Variants in WDR6 observed in about 807,000 individuals in gnomAD.
WDR6 encodes the protein WD repeat domain 6, also known as tRNA (34-2'-O)-methyltransferase regulator WDR6.
A neutral mutation model predicts 85.6 loss-of-function variants in WDR6; 58 were observed. The observed-to-expected ratio is 0.68, with a 90% CI of 0.55 to 0.84. The LOEUF (loss-of-function observed/expected upper bound fraction) is 0.84, where lower values mean the gene tolerates loss of function less well. Ranked by LOEUF, WDR6 falls within the 40% of genes least tolerant of loss-of-function variation. The pLI, the probability that WDR6 is intolerant of heterozygous loss-of-function variation, is 0.00. For missense variants in WDR6, 1,310 were observed against 1,476.4 expected (o/e 0.89, Z 1.85); for synonymous variants, 569 against 582.2 (o/e 0.98, Z 0.33).
Position 49,013,485 on chromosome 3 carries a change from G to A in WDR6, c.1951G>A (p.Val651Ile), listed in dbSNP as rs141268742. The A allele has an allele frequency of 5.5e-4, 888 of 1,614,090 alleles. 7 individuals are homozygous for A. Among genetic ancestry groups the A allele is most frequent in the East Asian group, 8.5e-4 (38 of 44,890 alleles). ...NPRSHEKLHI[V>I]NCGGGHRSWA... is the part of the protein sequence containing the mutation. ...TCGGTCACACGAGAAGCTGCACATC[G>A]TCAACTGTGGTGGAGGGCACCGTTC... Residue 651 changes from valine (V) to isoleucine (I), a missense_variant, in exon 2 of 6, where the codon GTC becomes ATC. By Grantham distance (29) the Val-to-Ile change is conservative (BLOSUM62 3). Coordinates refer to ENST00000608424, the MANE Select transcript of WDR6 (RefSeq NM_018031.6). This position sits in a 1 kb window ranked among gnomAD's most constrained non-coding sequence, Gnocchi z 4.6.
Position 49,015,603 on chromosome 3 carries a change from T to C in WDR6, c.*315T>C, listed in dbSNP as rs201468616. On this transcript the variant is annotated 3_prime_UTR_variant, in exon 6 of 6. Transcript: ENST00000608424. ...CTCTGTGGCCTTAAATGTGGCTCAGTGGAGGGAGACCCAGCATAGCCAGGC... is the reference window on the plus strand; with the variant it reads ...CTCTGTGGCCTTAAATGTGGCTCAGCGGAGGGAGACCCAGCATAGCCAGGC... The C allele has an allele frequency of 6.8e-6, 11 of 1,614,000 alleles. No individual in the cohort carries two copies. The African/African-American group carries it at 1.5e-4, about 22-fold the overall frequency.
Position 49,015,437 on chromosome 3 carries a change from T to G in WDR6, c.*149T>G. ...CTGATGTCGGTGCAGGAGCTGAAGG[T>G]GAGTGGAGTGCTGCCAAGAATATGC... is the stretch of plus-strand genomic sequence containing the variant. On this transcript the variant is annotated 3_prime_UTR_variant, in exon 6 of 6. Transcript: ENST00000608424. The G allele has an allele frequency of 3.6e-6, 5 of 1,404,394 alleles. No homozygotes were observed. Among genetic ancestry groups the G allele is most frequent in the Non-Finnish European group, 4.9e-6 (5 of 1,021,020 alleles). 87.0% of individuals were successfully genotyped at this position (1,404,394 alleles called of 1,614,324 possible). A position where few individuals can be genotyped will look rare whatever the true frequency, so the allele number is the denominator to read the frequency against.
At position 49,012,752 on chromosome 3, in the gene WDR6, A is replaced by G; in HGVS notation, c.1218A>G (p.Gly406=). The G allele has an allele frequency of 6.2e-7, 1 of 1,613,780 alleles. No homozygotes were observed. The highest frequency in any genetic ancestry group is 1.1e-5 in the South Asian group (1 of 91,078). The change falls in exon 2 of 6, where the codon GGA becomes GGG. Residue 406 remains glycine, a synonymous_variant. Transcript: ENST00000608424. This position sits in a 1 kb window ranked among gnomAD's most constrained non-coding sequence, Gnocchi z 4.4. ...CAGCTCCTGGTCCCGAGGGCTTCGG[A>G]TTGTGTGCTATGGCCAATGGGGAAG... is the stretch of plus-strand genomic sequence containing the variant. ...LEAAPGPEGF[G]LCAMANGEGR... is the part of the protein sequence containing the mutation.
Position 49,015,014 on chromosome 3 carries a change from A to C in WDR6, c.3092A>C (p.Gln1031Pro). The change falls in exon 6 of 6, where the codon CAG becomes CCG. Residue 1031 changes from glutamine to proline, a missense_variant. Gln to Pro is a moderately conservative substitution (Grantham distance 76). Coordinates refer to ENST00000608424, the MANE Select transcript of WDR6 (RefSeq NM_018031.6). The stretch of plus-strand genomic sequence containing the variant: ...GTGGGAGAGGCTGGGCTGGTACCCC[A>C]GCTGCGTGTGCTAGAGGAATACTCT... ...EAVGEAGLVP[Q>P]LRVLEEYSVP... The C allele has an allele frequency of 6.2e-7, 1 of 1,614,166 alleles. No homozygotes were observed. The highest frequency in any genetic ancestry group is 8.5e-7 in the Non-Finnish European group (1 of 1,180,020).
intron 1 of WDR6, chr3:49,008,423 C>T (rs1183039088): frequency 2.0e-5 from 3 of 152,220 alleles, no homozygotes; most frequent in African/African-American, 7.2e-5. Context: ...TGGGGATGAT[C>T]CAGTTTTGAT....
Position 49,014,078 on chromosome 3 carries a change from C to T in WDR6, c.2544C>T (p.Arg848=). 6.2e-7 allele frequency: 1 copy of T among 1,613,548 alleles called. No homozygotes were observed. Among genetic ancestry groups the T allele is most frequent in the Non-Finnish European group, 8.5e-7 (1 of 1,179,950 alleles). ...TAGATGAGTATTGGGACCGGCAACG[C>T]AATCGGCATCGGATGGTTAAGGTAG... The part of the protein sequence containing the change: ...HRLDEYWDRQ[R]NRHRMVKVDP... Residue 848 remains arginine (R), a synonymous_variant, in exon 2 of 6, where the codon CGC becomes CGT. Transcript: ENST00000608424. This position sits in a 1 kb window ranked among gnomAD's most constrained non-coding sequence, Gnocchi z 4.9.
rs1331072323 is a variant in WDR6 at position 49,014,158 on chromosome 3, G to C, written c.2582+42G>C. 6.2e-7 allele frequency: 1 copy of C among 1,614,148 alleles called. No homozygotes were observed. Among genetic ancestry groups the C allele is most frequent in the Admixed American group, 1.7e-5 (1 of 60,018 alleles). On this transcript the variant is annotated intron_variant, in intron 2 of 5. Coordinates refer to ENST00000608424, the MANE Select transcript of WDR6 (RefSeq NM_018031.6). The surrounding 1 kb of genome is among the most constrained non-coding windows in gnomAD (Gnocchi z 4.9). Reference sequence around the variant, plus strand: ...GGCAGGGTGTGGTATGGGTCATGCAGATGCTCCCAGGCTTGCAGGCTCCAC... The same window carrying C: ...GGCAGGGTGTGGTATGGGTCATGCACATGCTCCCAGGCTTGCAGGCTCCAC...
rs749184208 is a variant in WDR6, at chr3:49,011,812, G to A, written c.278G>A (p.Arg93Gln). Residue 93 changes from arginine (R) to glutamine (Q), a missense_variant, in exon 2 of 6, where the codon CGA becomes CAA. By Grantham distance (43) the Arg-to-Gln change is conservative (BLOSUM62 1). Transcript: ENST00000608424. ...GCTGTGTTTGGAAGCAAGGGACTCC[G>A]AGTTGTGAAAATTAGCTGGGGACAG... ...MVAVFGSKGL[R>Q]VVKISWGQGH... 35 of 1,614,102 alleles carry A rather than the reference G, an allele frequency of 2.2e-5. No individual in the cohort carries two copies. The highest frequency in any genetic ancestry group is 1.6e-4 in the Middle Eastern group (1 of 6,084).
chr3:49,012,250 G>T lies in WDR6; in HGVS notation c.716G>T (p.Gly239Val). 6.2e-7 allele frequency: 1 copy of T among 1,614,274 alleles called. No individual in the cohort carries two copies. The change falls in exon 2 of 6, where the codon GGC becomes GTC. Residue 239 changes from glycine to valine, a missense_variant. Gly to Val is a moderately radical substitution (Grantham distance 109, BLOSUM62 -3). Transcript: ENST00000608424. The surrounding 1 kb of genome is among the most constrained non-coding windows in gnomAD (Gnocchi z 4.4). ...EDRSVRIWKV[G>V]DLRVPGGRVQ... ...CGAAGCGTTCGTATCTGGAAGGTGG[G>T]CGACCTGCGAGTGCCTGGGGGTCGG...
Position 49,012,266 on chromosome 3 carries a change from T to C in WDR6, c.732T>C (p.Pro244=). 1 of 1,614,232 alleles carries C rather than the reference T, an allele frequency of 6.2e-7. No homozygotes were observed. Among genetic ancestry groups the C allele is most frequent in the Non-Finnish European group, 8.5e-7 (1 of 1,180,046 alleles). ...GGAAGGTGGGCGACCTGCGAGTGCC[T>C]GGGGGTCGGGTGCAGAATATTGGGC... ...RIWKVGDLRV[P]GGRVQNIGHC... Residue 244 remains proline, a synonymous_variant, in exon 2 of 6, where the codon CCT becomes CCC. Transcript: ENST00000608424. This position sits in a 1 kb window ranked among gnomAD's most constrained non-coding sequence, Gnocchi z 4.4.
chr3:49,015,117 T>TCAA lies in WDR6; in HGVS notation c.3197_3199dup (p.Gln1066dup), dbSNP rs765536905. On this transcript the variant is annotated inframe_insertion, in exon 6 of 6. Transcript: ENST00000608424. ...GCATCATGGTCTCAGCCTCCATTGATCAACGGCTGACCTTCTGGCGTCTGG... is the reference window on the plus strand; with the variant it reads ...GCATCATGGTCTCAGCCTCCATTGATCAACAACGGCTGACCTTCTGGCGTCTGG... 6.2e-7 allele frequency: 1 copy of TCAA among 1,614,066 alleles called. No individual in the cohort carries two copies. The highest frequency in any genetic ancestry group is 1.1e-5 in the South Asian group (1 of 91,086).
At position 49,014,069 on chromosome 3, in the gene WDR6, C is replaced by T; in HGVS notation, c.2535C>T (p.Asp845=). 6 of 1,613,256 alleles carry T rather than the reference C, an allele frequency of 3.7e-6. No homozygotes were observed. Among genetic ancestry groups the T allele is most frequent in the Non-Finnish European group, 5.1e-6 (6 of 1,179,970 alleles). The change falls in exon 2 of 6, where the codon GAC becomes GAT. Residue 845 remains aspartate (D), a synonymous_variant. Coordinates refer to ENST00000608424, the MANE Select transcript of WDR6 (RefSeq NM_018031.6). The surrounding 1 kb of genome is among the most constrained non-coding windows in gnomAD (Gnocchi z 4.9). ...LSSHRLDEYW[D]RQRNRHRMVK... ...CCCACCGGCTAGATGAGTATTGGGA[C>T]CGGCAACGCAATCGGCATCGGATGG... is the stretch of plus-strand genomic sequence containing the variant.
At position 49,012,350 on chromosome 3, in the gene WDR6, C is replaced by G. The variant is rs970066418; in HGVS notation, c.816C>G (p.Ile272Met). The change falls in exon 2 of 6, where the codon ATC becomes ATG. Residue 272 changes from isoleucine (I) to methionine (M), a missense_variant. By Grantham distance (10) the Ile-to-Met change is conservative. Coordinates refer to ENST00000608424, the MANE Select transcript of WDR6 (RefSeq NM_018031.6). This position sits in a 1 kb window ranked among gnomAD's most constrained non-coding sequence, Gnocchi z 4.4. The part of the protein sequence containing the change: ...WQVKLLENYL[I>M]SAGEDCVCLV... Reference sequence around the variant, plus strand: ...TCAAGCTTCTAGAGAATTACCTTATCAGTGCAGGAGAGGATTGTGTCTGCT... The same window carrying G: ...TCAAGCTTCTAGAGAATTACCTTATGAGTGCAGGAGAGGATTGTGTCTGCT... 6.2e-7 allele frequency: 1 copy of G among 1,614,088 alleles called. No homozygotes were observed. Among genetic ancestry groups the G allele is most frequent in the Non-Finnish European group, 8.5e-7 (1 of 1,180,046 alleles).
At position 49,015,133 on chromosome 3, in the gene WDR6, T is replaced by G. The variant is rs764496993; in HGVS notation, c.3211T>G (p.Trp1071Gly). Residue 1071 changes from tryptophan (W) to glycine (G), a missense_variant, in exon 6 of 6, where the codon TGG becomes GGG. Physicochemically the swap from Trp to Gly is radical, Grantham distance 184. Transcript: ENST00000608424. Reference sequence around the variant, plus strand: ...CTCCATTGATCAACGGCTGACCTTCTGGCGTCTGGGGCATGGTGAACCCAC... The same window carrying G: ...CTCCATTGATCAACGGCTGACCTTCGGGCGTCTGGGGCATGGTGAACCCAC... ...SASIDQRLTF[W>G]RLGHGEPTFM... 1.2e-6 allele frequency: 2 copies of G among 1,614,038 alleles called. No homozygotes were observed. Among genetic ancestry groups the G allele is most frequent in the South Asian group, 2.2e-5 (2 of 91,086 alleles).
Position 49,013,126 on chromosome 3 carries a change from G to A in WDR6, c.1592G>A (p.Gly531Glu), listed in dbSNP as rs1205446075. The change falls in exon 2 of 6, where the codon GGA becomes GAA. Residue 531 changes from glycine to glutamate, a missense_variant. Gly to Glu is a moderately conservative substitution (Grantham distance 98). Coordinates refer to ENST00000608424, the MANE Select transcript of WDR6 (RefSeq NM_018031.6). The surrounding 1 kb of genome is among the most constrained non-coding windows in gnomAD (Gnocchi z 4.6). ...GGTCTGCTCAAGGACCCTGGGGTGG[G>A]AGGCAAGGCTCGGGCTGGTGCTGGG... ...RPGLLKDPGV[G>E]GKARAGAGAP... 1.9e-6 allele frequency: 3 copies of A among 1,608,036 alleles called. No individual in the cohort carries two copies. Among genetic ancestry groups the A allele is most frequent in the Admixed American group, 1.7e-5 (1 of 59,790 alleles).
Position 49,015,805 on chromosome 3 carries a change from C to T in WDR6, c.*517C>T. 1.2e-6 allele frequency: 2 copies of T among 1,614,134 alleles called. No homozygotes were observed. Among genetic ancestry groups the T allele is most frequent in the South Asian group, 1.1e-5 (1 of 91,082 alleles). On this transcript the variant is annotated 3_prime_UTR_variant, in exon 6 of 6. Coordinates refer to ENST00000608424, the MANE Select transcript of WDR6 (RefSeq NM_018031.6). ...CACCCCATTTTGCTGTGTGCTCACC[C>T]CCAGGATGTGTACCCGGTTGTAGTA...
Position 49,011,660 on chromosome 3 carries a change from C to T in WDR6, c.126C>T (p.Tyr42=), listed in dbSNP as rs1246210622. ...GTGAGGGTCCCGATGTCCTGGTGTA[C>T]AGCTTGGACTTTGGTGGGCATCTGC... The part of the protein sequence containing the change: ...LAGEGPDVLV[Y]SLDFGGHLRM... The change falls in exon 2 of 6, where the codon TAC becomes TAT. Residue 42 remains tyrosine, a synonymous_variant. Coordinates refer to ENST00000608424, the MANE Select transcript of WDR6 (RefSeq NM_018031.6). The T allele has an allele frequency of 3.1e-6, 5 of 1,614,124 alleles. No individual in the cohort carries two copies. In the Middle Eastern group the frequency reaches 6.6e-4, roughly 213 times the overall value.
Position 49,012,558 on chromosome 3 carries a change from T to C in WDR6, c.1024T>C (p.Phe342Leu), listed in dbSNP as rs1261574293. Residue 342 changes from phenylalanine (F) to leucine (L), a missense_variant, in exon 2 of 6, where the codon TTC becomes CTC. Phe to Leu is a conservative substitution (Grantham distance 22). Transcript: ENST00000608424. This position sits in a 1 kb window ranked among gnomAD's most constrained non-coding sequence, Gnocchi z 4.4. The part of the protein sequence containing the change: ...YRGLGVSALC[F>L]KSRSRPGTLK... The stretch of plus-strand genomic sequence containing the variant: ...GGGATTGGGGGTCTCGGCTCTCTGC[T>C]TCAAGTCCCGTAGTAGGCCAGGTAC... 6.2e-7 allele frequency: 1 copy of C among 1,613,920 alleles called. No individual in the cohort carries two copies. Among genetic ancestry groups the C allele is most frequent in the Non-Finnish European group, 8.5e-7 (1 of 1,180,028 alleles).
At position 49,012,489 on chromosome 3, in the gene WDR6, G is replaced by T; in HGVS notation, c.955G>T (p.Asp319Tyr). 1 of 1,614,140 alleles carries T rather than the reference G, an allele frequency of 6.2e-7. No individual in the cohort carries two copies. The highest frequency in any genetic ancestry group is 2.2e-5 in the East Asian group (1 of 44,874). Residue 319 changes from aspartate (D) to tyrosine (Y), a missense_variant, in exon 2 of 6, where the codon GAC (aspartate) becomes TAC (tyrosine). Asp to Tyr is a radical substitution (Grantham distance 160, BLOSUM62 -3). Transcript: ENST00000608424. This position sits in a 1 kb window ranked among gnomAD's most constrained non-coding sequence, Gnocchi z 4.4. ...GGCCTGGGTGATCACTGGGGGTGAT[G>T]ACTCAGGCATTCGGCTGTGGCACTT... ...RQAWVITGGDDSGIRLWHLVG... is the reference protein window; with the variant it reads ...RQAWVITGGDYSGIRLWHLVG...
Sources: gnomAD v4.1 joint callset for allele counts on GRCh38, gnomAD v4.1.1 for gene constraint, Gnocchi (gnomAD v3.1) non-coding constraint, MANE v1.5 for transcripts, NCBI Gene and HGNC (gene_info 2026-07-23, HGNC 2026-07-21) for gene names.